AGBL1: variants seen among roughly 807,000 people sequenced by gnomAD.
AGBL1 encodes the protein cytosolic carboxypeptidase 4.
AGBL1 carries 130 observed loss-of-function variants against 118.9 expected under a neutral mutation model. The ratio of observed to expected loss-of-function variants is 1.09; its 90% confidence interval spans 0.95 to 1.26. The LOEUF (loss-of-function observed/expected upper bound fraction) is 1.26, where lower values mean the gene tolerates loss of function less well. AGBL1 is among the 50% of genes most tolerant of loss of function. The probability of loss-of-function intolerance (pLI) is 0.00; values close to 1 mark genes in which losing one functional copy is unlikely to be tolerated. For synonymous variants in AGBL1, 555 were observed against 478.9 expected, an observed-to-expected ratio of 1.16 and a Z score of -2.08; for missense variants, 1,584 against 1,298.1, an observed-to-expected ratio of 1.22 and a Z score of -3.38.
At chr15:87,014,646 A>C (rs1046580716) in intron 24 of AGBL1, among the ~76,000 whole-genome samples, 1 of 152,218 alleles carries the variant, frequency 6.6e-6, no homozygotes, top group Non-Finnish European at 1.5e-5. Flanking sequence ...AGGCAGAATC[A>C]GAAGGAAGAG....
At chr15:86,207,742 A>G (rs915516635) in intron 5 of AGBL1, among the ~76,000 whole-genome samples, 1 of 152,218 alleles carries the variant, frequency 6.6e-6, no homozygotes, top group Admixed American at 6.5e-5. Context: ...TAAATATACA[A>G]TTGTGTCATC....
At chr15:86,666,300 A>G (rs2085643071) in intron 21 of AGBL1, among the ~76,000 whole-genome samples, 1 of 152,128 alleles carries the variant, frequency 6.6e-6, no homozygotes, top group South Asian at 2.1e-4. Context: ...GCTATTGTGA[A>G]TGGAATTTTT....
chr15:86,209,380 T>C (rs1442937105), intron 5 of AGBL1, among the ~76,000 whole-genome samples: 1 of 152,202 alleles, frequency 6.6e-6, no homozygotes, highest in Non-Finnish European at 1.5e-5. Context: ...TTGTTAACCT[T>C]CTGTCTCGTT....
At chr15:86,744,118 G>T (rs1288514823) in intron 22 of AGBL1, among the ~76,000 whole-genome samples, 1 of 152,030 alleles carries the variant, frequency 6.6e-6, no homozygotes, top group African/African-American at 2.4e-5. Context: ...TGAATGAAAT[G>T]GGAGATTCAA....
At chr15:86,540,845 C>T (rs7177781) in intron 19 of AGBL1, among the ~76,000 whole-genome samples, 2,517 of 152,288 alleles carry the variant, frequency 0.017, 67 homozygotes, top group African/African-American at 0.056. Flanking sequence ...ATGTCTCCTT[C>T]TCCTTCACTC....
chr15:86,958,487 A>C (rs189876073), intron 23 of AGBL1, among the ~76,000 whole-genome samples: 19 of 152,246 alleles, frequency 1.2e-4, no homozygotes, highest in African/African-American at 3.8e-4. Flanking sequence ...ACATTCATAG[A>C]AATTTGGTGT....
chr15:86,191,558 C>G (rs937501592), intron 5 of AGBL1, among the ~76,000 whole-genome samples: 1 of 151,582 alleles, frequency 6.6e-6, no homozygotes, highest in Non-Finnish European at 1.5e-5. Context: ...TATAAGAAGC[C>G]AGGGATGATG....
intron 17 of AGBL1, among the ~76,000 whole-genome samples, chr15:86,338,467 C>A (rs117604161): frequency 1.2e-3 from 186 of 151,926 alleles, no homozygotes; most frequent in Non-Finnish European, 2.2e-3. Flanking sequence ...AAGAGTGATA[C>A]GTTATGTTTT....
intron 24 of AGBL1, among the ~76,000 whole-genome samples, chr15:86,989,832 T>C (rs182151920): frequency 6.6e-6 from 1 of 152,324 alleles, no homozygotes; most frequent in African/African-American, 2.4e-5. Context: ...ATGAGCTATA[T>C]GGACACATGC....
intron 18 of AGBL1, among the ~76,000 whole-genome samples, chr15:86,495,998 C>A (rs1236243538): frequency 4.0e-5 from 6 of 151,690 alleles, no homozygotes. Context: ...TAAAAATATG[C>A]CTATTGAGTC....
chr15:86,976,120 C>A (rs1053968372), intron 23 of AGBL1, among the ~76,000 whole-genome samples: 1 of 151,386 alleles, frequency 6.6e-6, no homozygotes, highest in Non-Finnish European at 1.5e-5. Flanking sequence ...AATTTTAGAT[C>A]TATCACATAG....
At chr15:86,753,545 C>T (rs1280787370) in intron 22 of AGBL1, among the ~76,000 whole-genome samples, 1 of 151,666 alleles carries the variant, frequency 6.6e-6, no homozygotes, top group African/African-American at 2.4e-5. Flanking sequence ...TTACAGACAC[C>T]CACCACCACA....
chr15:86,936,239 T>G (rs2080673265), intron 23 of AGBL1, among the ~76,000 whole-genome samples: 1 of 137,790 alleles, frequency 7.3e-6, no homozygotes, highest in Non-Finnish European at 1.6e-5. Flanking sequence ...AGTGTGTATG[T>G]ATGTGTGTGT....
At chr15:86,868,145 G>A (rs1018005080) in intron 22 of AGBL1, among the ~76,000 whole-genome samples, 2 of 152,140 alleles carry the variant, frequency 1.3e-5, no homozygotes, top group African/African-American at 4.8e-5. Context: ...TCATCAGGTA[G>A]AGTTGAAGAC....
intron 16 of AGBL1, among the ~76,000 whole-genome samples, chr15:86,291,996 C>T (rs2079553807): frequency 6.6e-6 from 1 of 152,108 alleles, no homozygotes; most frequent in Non-Finnish European, 1.5e-5. Flanking sequence ...TGTGTCAAAT[C>T]CTGGCTTTCT....
intron 17 of AGBL1, among the ~76,000 whole-genome samples, chr15:86,361,558 C>A (rs2141922061): frequency 6.6e-6 from 1 of 152,106 alleles, no homozygotes; most frequent in South Asian, 2.1e-4. Context: ...AAGTCTCCTA[C>A]TATTATTGTG....
Position 86,262,772 on chromosome 15 carries a change from T to G in AGBL1, c.970-6T>G. 1 of 1,582,274 alleles carries G rather than the reference T, an allele frequency of 6.3e-7. No individual in the cohort carries two copies. The highest frequency in any genetic ancestry group is 8.6e-7 in the Non-Finnish European group (1 of 1,156,382). ...TGTAATCTCTTCTATGACTATTCCA[T>G]TTTAGGATGATGACTTGGAAACAGA... On this transcript the variant is annotated splice_polypyrimidine_tract_variant and splice_region_variant and intron_variant, in intron 9 of 22. Transcript: ENST00000614907.
intron 18 of AGBL1, among the ~76,000 whole-genome samples, chr15:86,493,986 CA>C (rs1288232141): frequency 6.6e-6 from 1 of 151,978 alleles, no homozygotes; most frequent in Non-Finnish European, 1.5e-5. Context: ...TCTGGAGCCA[CA>C]AATCTCTTTC....
At chr15:86,854,972 A>G (rs2079457955) in intron 22 of AGBL1, among the ~76,000 whole-genome samples, 1 of 152,094 alleles carries the variant, frequency 6.6e-6, no homozygotes, top group East Asian at 1.9e-4. Flanking sequence ...ACACCCCCCC[A>G]CTGGTCCTAG....
Sources: gnomAD v4.1 joint callset for allele counts (sites outside exome capture counted in the v4.1 genomes callset) on GRCh38, gnomAD v4.1.1 for gene constraint, MANE v1.5 for transcripts, NCBI Gene and HGNC (gene_info 2026-07-23, HGNC 2026-07-21) for gene names.